Variants in CSMD3 observed in about 807,000 individuals in gnomAD.
CSMD3 encodes CUB and Sushi multiple domains 3, also known as CUB and sushi domain-containing protein 3.
A neutral mutation model predicts 435.2 loss-of-function variants in CSMD3; 177 were observed. The ratio of observed to expected loss-of-function variants is 0.41; its 90% CI spans 0.36 to 0.46. The LOEUF (loss-of-function observed/expected upper bound fraction) is 0.46. CSMD3 is among the 20% of genes least tolerant of loss of function. The pLI, the probability that CSMD3 is intolerant of heterozygous loss-of-function variation, is 0.34. For synonymous variants in CSMD3, 1,656 were observed against 1,520.5 expected (o/e 1.09, Z -2.07); for missense variants, 4,265 against 4,504.6 (o/e 0.95, Z 1.52).
At position 112,292,556 on chromosome 8, in the gene CSMD3, A is replaced by T. The variant is rs1406407300; in HGVS notation, c.8769T>A (p.His2923Gln). Residue 2923 changes from histidine (H) to glutamine (Q), a missense_variant, in exon 55 of 71, where the codon CAT (histidine) becomes CAA (glutamine). Transcript: ENST00000297405. ...ATTTACCTTTGCACATAGGTGGAGG[A>T]TGGCTCCACTGTCTGTTGGCCTGGC... is the stretch of plus-strand genomic sequence containing the variant. ...AQCQANRQWS[H>Q]PPPMCKVVNC... 1 of 1,613,776 alleles carries T rather than the reference A, an allele frequency of 6.2e-7. No individual in the cohort carries two copies. The highest frequency in any genetic ancestry group is 1.7e-5 in the Admixed American group (1 of 59,986).
intron 61 of CSMD3, among the ~76,000 whole-genome samples, chr8:112,263,332 G>A (rs1040172112): frequency 6.6e-6 from 1 of 151,912 alleles, no homozygotes; most frequent in African/African-American, 2.4e-5. Flanking sequence ...CAGAGTATTC[G>A]GCTAAGACAA....
chr8:112,329,916 A>G (rs959032645), intron 45 of CSMD3, among the ~76,000 whole-genome samples: 2 of 152,054 alleles, frequency 1.3e-5, no homozygotes, highest in African/African-American at 4.8e-5. Context: ...TTATACACAC[A>G]TATACACACA....
intron 38 of CSMD3, among the ~76,000 whole-genome samples, chr8:112,370,186 T>C (rs1828254868): frequency 6.6e-6 from 1 of 152,120 alleles, no homozygotes; most frequent in Admixed American, 6.5e-5. Flanking sequence ...ATAAACATAA[T>C]CATTGTTTTG....
chr8:113,168,642 A>G (rs1319491232), intron 4 of CSMD3, among the ~76,000 whole-genome samples: 1 of 151,876 alleles, frequency 6.6e-6, no homozygotes, highest in Non-Finnish European at 1.5e-5. Context: ...AAAATCTTAA[A>G]ATATATTTTC....
Position 112,653,467 on chromosome 8 carries a change from T to C in CSMD3, c.3004+2687A>G, listed in dbSNP as rs140221208. On this transcript the variant is annotated intron_variant, in intron 18 of 70. Transcript: ENST00000297405. ...CTATACGTTTGTTCTGTATCCATTT[T>C]CAATTTTAAAATTTGTATAATATTT... 8.2e-4 allele frequency among the ~76,000 whole-genome samples: 125 copies of C among 152,250 alleles called. 2 individuals are homozygous for C. The East Asian group carries it at 0.022, about 27-fold the overall frequency.
intron 5 of CSMD3, among the ~76,000 whole-genome samples, chr8:113,048,808 A>C (rs902128668): frequency 1.3e-5 from 2 of 152,108 alleles, no homozygotes; most frequent in Non-Finnish European, 2.9e-5. Context: ...TTCTGTCAGT[A>C]AACTAAATTT....
chr8:112,896,787 A>C (rs760333985), intron 10 of CSMD3, among the ~76,000 whole-genome samples: 38 of 151,452 alleles, frequency 2.5e-4, no homozygotes, highest in Non-Finnish European at 4.6e-4. Context: ...ATATTTTGAA[A>C]ATGCAAATCT....
At chr8:113,373,134 C>A (rs184449074) in intron 1 of CSMD3, among the ~76,000 whole-genome samples, 220 of 152,242 alleles carry the variant, frequency 1.4e-3, no homozygotes, top group African/African-American at 5.0e-3. Flanking sequence ...GAATCCAATT[C>A]TCTAATCTGT....
chr8:112,407,978 G>C (rs1266078413), intron 34 of CSMD3, among the ~76,000 whole-genome samples: 8 of 151,924 alleles, frequency 5.3e-5, no homozygotes, highest in East Asian at 1.9e-4. Flanking sequence ...CTTTAATTTC[G>C]AGTGCTAAAC....
At chr8:112,799,273 G>A (rs1225910057) in intron 13 of CSMD3, among the ~76,000 whole-genome samples, 2 of 151,742 alleles carry the variant, frequency 1.3e-5, no homozygotes, top group African/African-American at 2.4e-5. Flanking sequence ...TCATTTTCAT[G>A]TGTCCAGAAT....
intron 3 of CSMD3, among the ~76,000 whole-genome samples, chr8:113,182,202 T>C (rs2131935427): frequency 6.6e-6 from 1 of 152,148 alleles, no homozygotes; most frequent in Admixed American, 6.6e-5. Flanking sequence ...AAGCTGATTT[T>C]TAAAAAACAA....
At chr8:113,043,552 C>T (rs970380817) in intron 5 of CSMD3, among the ~76,000 whole-genome samples, 1 of 152,044 alleles carries the variant, frequency 6.6e-6, no homozygotes, top group African/African-American at 2.4e-5. Flanking sequence ...TTATATTCCC[C>T]CTTCCCTATT....
At chr8:112,303,421 G>C (rs966419408) in intron 52 of CSMD3, among the ~76,000 whole-genome samples, 2 of 151,994 alleles carry the variant, frequency 1.3e-5, no homozygotes, top group Admixed American at 6.6e-5. Flanking sequence ...TTAGCCAGGC[G>C]TGGTGGCAGG....
At chr8:112,380,203 G>C in intron 38 of CSMD3, 149 bp downstream of exon 38, 2 of 548,226 alleles carry the variant, frequency 3.6e-6, no homozygotes, top group Non-Finnish European at 6.5e-6. Flanking sequence ...TTTTGCAATT[G>C]AACTGAAGTA....
chr8:112,580,162 C>T (rs1830235835), intron 23 of CSMD3, among the ~76,000 whole-genome samples: 2 of 151,862 alleles, frequency 1.3e-5, no homozygotes, highest in Non-Finnish European at 1.5e-5. Flanking sequence ...ACAATGGGAG[C>T]TATTTGATGT....
At chr8:112,464,117 A>G (rs1384370135) in intron 32 of CSMD3, among the ~76,000 whole-genome samples, 2 of 152,052 alleles carry the variant, frequency 1.3e-5, no homozygotes, top group Non-Finnish European at 2.9e-5. Flanking sequence ...AGGCACCTGT[A>G]GTCCCAGCTA....
At chr8:112,823,367 G>A (rs1363543733) in intron 12 of CSMD3, among the ~76,000 whole-genome samples, 1 of 152,016 alleles carries the variant, frequency 6.6e-6, no homozygotes, top group Non-Finnish European at 1.5e-5. Context: ...TCTTGGGAGG[G>A]TGTTATGTGT....
chr8:113,199,153 C>A (rs539817420), intron 3 of CSMD3, among the ~76,000 whole-genome samples: 1 of 150,454 alleles, frequency 6.6e-6, no homozygotes. Flanking sequence ...ACATTGAAGA[C>A]GGTTCATTTA....
chr8:113,361,569 A>T (rs1322634223), intron 1 of CSMD3, among the ~76,000 whole-genome samples: 1 of 152,112 alleles, frequency 6.6e-6, no homozygotes, highest in Non-Finnish European at 1.5e-5. Flanking sequence ...GGTCATAAAA[A>T]GTTAGACAAG....
Sources: gnomAD v4.1 joint callset for allele counts (sites outside exome capture counted in the v4.1 genomes callset) on GRCh38, gnomAD v4.1.1 for gene constraint, MANE v1.5 for transcripts, NCBI Gene and HGNC (gene_info 2026-07-23, HGNC 2026-07-21) for gene names.